TMC1: variants seen among roughly 807,000 people sequenced by gnomAD.
TMC1 encodes transmembrane channel like 1.
TMC1 carries 84 observed loss-of-function variants against 105.8 expected under a neutral mutation model. The observed-to-expected ratio is 0.79, with a 90% confidence interval of 0.67 to 0.95. The LOEUF (loss-of-function observed/expected upper bound fraction) is 0.95. TMC1 is among the 40% of genes least tolerant of loss of function. TMC1 has a pLI of 0.00. For synonymous variants in TMC1, 315 were observed against 311.5 expected (o/e 1.01, Z -0.12); for missense variants, 817 against 914.1 (o/e 0.89, Z 1.37).
chr9:72,800,153 A>G (rs1167411908), intron 17 of TMC1, among the ~76,000 whole-genome samples: 1 of 152,240 alleles, frequency 6.6e-6, no homozygotes, highest in Non-Finnish European at 1.5e-5. Context: ...TGTTACAGCA[A>G]CAATAGGAAA....
chr9:72,817,878 G>C (rs890450289), intron 19 of TMC1, among the ~76,000 whole-genome samples: 4 of 152,106 alleles, frequency 2.6e-5, no homozygotes, highest in African/African-American at 9.7e-5. Flanking sequence ...CAGTGGTCAA[G>C]CTTGCTTCTG....
chr9:72,621,598 G>A (rs1365289597), intron 3 of TMC1, among the ~76,000 whole-genome samples: 1 of 151,984 alleles, frequency 6.6e-6, no homozygotes, highest in Non-Finnish European at 1.5e-5. Context: ...ACTTTAATAA[G>A]CAAACTAAAA....
intron 1 of TMC1, among the ~76,000 whole-genome samples, chr9:72,559,055 A>G (rs1053779260): frequency 6.6e-6 from 1 of 152,166 alleles, no homozygotes; most frequent in Admixed American, 6.5e-5. Flanking sequence ...ATTGAACTCA[A>G]ATGAACACAT....
At chr9:72,804,020 GCT>G (rs2118234422) in intron 17 of TMC1, among the ~76,000 whole-genome samples, 1 of 152,170 alleles carries the variant, frequency 6.6e-6, no homozygotes, top group African/African-American at 2.4e-5. Flanking sequence ...AAGAAAATGT[GCT>G]ATATGTACAC....
chr9:72,816,330 T>C (rs1259729629), intron 19 of TMC1, 120 bp downstream of exon 19: 2 of 953,970 alleles, frequency 2.1e-6, no homozygotes, highest in Non-Finnish European at 3.4e-6. Context: ...CATATTTACT[T>C]TTGCAAAGTG....
chr9:72,558,914 A>AT (rs143432912), intron 1 of TMC1, among the ~76,000 whole-genome samples: 2,501 of 150,722 alleles, frequency 0.017, 59 homozygotes, highest in African/African-American at 0.055. Flanking sequence ...TTTTTCAACC[A>AT]TTTTTTTTTG....
chr9:72,756,819 T>G (rs1827682992), intron 12 of TMC1, among the ~76,000 whole-genome samples: 1 of 152,142 alleles, frequency 6.6e-6, no homozygotes, highest in Non-Finnish European at 1.5e-5. Context: ...CCATTTGAGA[T>G]TTGAAAGTTA....
At chr9:72,586,401 G>T (rs1824554522) in intron 2 of TMC1, among the ~76,000 whole-genome samples, 1 of 152,210 alleles carries the variant, frequency 6.6e-6, no homozygotes, top group Admixed American at 6.5e-5. Context: ...GCATGTAGTA[G>T]GAGAGCTTTG....
intron 5 of TMC1, among the ~76,000 whole-genome samples, chr9:72,672,179 T>C (rs1826134404): frequency 6.6e-6 from 1 of 152,216 alleles, no homozygotes; most frequent in African/African-American, 2.4e-5. Flanking sequence ...TTACACCTTT[T>C]TAGCATTTTC....
chr9:72,730,073 T>A (rs1490019979), intron 8 of TMC1, among the ~76,000 whole-genome samples: 1 of 152,178 alleles, frequency 6.6e-6, no homozygotes, highest in Non-Finnish European at 1.5e-5. Context: ...ATATATATAT[T>A]TTGATTACAA....
intron 8 of TMC1, among the ~76,000 whole-genome samples, chr9:72,739,563 C>T (rs975822043): frequency 2.0e-5 from 3 of 151,974 alleles, no homozygotes; most frequent in Non-Finnish European, 4.4e-5. Flanking sequence ...AATGTGAGGC[C>T]GAAAGTATTC....
chr9:72,600,063 T>C (rs1026485040), intron 2 of TMC1, among the ~76,000 whole-genome samples: 1 of 152,086 alleles, frequency 6.6e-6, no homozygotes, highest in Non-Finnish European at 1.5e-5. Context: ...ATGAGGGCCA[T>C]GTAGTAGGTC....
At chr9:72,538,539 C>A (rs966644123) in intron 1 of TMC1, among the ~76,000 whole-genome samples, 1 of 152,050 alleles carries the variant, frequency 6.6e-6, no homozygotes, top group Non-Finnish European at 1.5e-5. Flanking sequence ...CCAGCTCAAG[C>A]GATTCTCCTG....
intron 23 of TMC1, 88 bp from the exon 24 acceptor site, chr9:72,835,862 CT>C: frequency 6.7e-7 from 1 of 1,494,740 alleles, no homozygotes; most frequent in Non-Finnish European, 9.0e-7. Flanking sequence ...ATTAAGCACA[CT>C]GAAAGCTACG....
At chr9:72,602,345 G>A (rs990203366) in intron 2 of TMC1, among the ~76,000 whole-genome samples, 1 of 148,024 alleles carries the variant, frequency 6.8e-6, no homozygotes, top group African/African-American at 2.5e-5. Context: ...CGAATGACTT[G>A]CTGTGATTCT....
In TMC1 at chr9:72,805,505, G is replaced by GGATATGTA; in HGVS notation, c.1691_1695+3dup. On this transcript the variant is annotated frameshift_variant, in exon 18 of 24. Coordinates refer to ENST00000297784, the MANE Select transcript of TMC1 (RefSeq NM_138691.3). LOFTEE classifies it high-confidence loss of function. ...TTGCTGGTGCTGGGACTTGGAGTAT[G>GGATATGTA]GATATGTAAGTATGATGTTAATTTT... The GGATATGTA allele has an allele frequency of 6.2e-7, 1 of 1,609,492 alleles. No homozygotes were observed. Among genetic ancestry groups the GGATATGTA allele is most frequent in the Non-Finnish European group, 8.5e-7 (1 of 1,178,010 alleles).
intron 5 of TMC1, among the ~76,000 whole-genome samples, chr9:72,652,968 T>TC (rs1452600384): frequency 6.6e-6 from 1 of 152,228 alleles, no homozygotes; most frequent in Non-Finnish European, 1.5e-5. Context: ...TACAAATTCT[T>TC]CAAAATTCTA....
At chr9:72,644,958 C>G (rs183764444) in intron 4 of TMC1, among the ~76,000 whole-genome samples, 127 of 152,114 alleles carry the variant, frequency 8.3e-4, no homozygotes, top group African/African-American at 2.5e-3. Context: ...GAACAAATAT[C>G]AAATTTATCG....
chr9:72,762,595 C>T (rs1040344215), intron 12 of TMC1, among the ~76,000 whole-genome samples: 4 of 152,140 alleles, frequency 2.6e-5, no homozygotes, highest in Non-Finnish European at 4.4e-5. Flanking sequence ...TGACCCCAAG[C>T]GAGACTGCTA....
Sources: gnomAD v4.1 joint callset for allele counts (sites outside exome capture counted in the v4.1 genomes callset) on GRCh38, gnomAD v4.1.1 for gene constraint, MANE v1.5 for transcripts, NCBI Gene and HGNC (gene_info 2026-07-23, HGNC 2026-07-21) for gene names.